Variants in KCNMA1 observed in about 807,000 individuals in gnomAD.
KCNMA1 encodes Calcium-activated potassium channel subunit alpha-1.
KCNMA1 carries 29 observed loss-of-function variants against 140.0 expected under a neutral mutation model. That is an observed-to-expected ratio of 0.21 (90% confidence interval 0.15 to 0.28). KCNMA1 has a LOEUF of 0.28. KCNMA1 is among the 10% of genes least tolerant of loss of function. The probability of loss-of-function intolerance (pLI) is 1.00; values close to 1 mark genes in which losing one functional copy is unlikely to be tolerated. For synonymous variants in KCNMA1, 612 were observed against 611.9 expected, an observed-to-expected ratio of 1.00 and a Z score of 0.00; for missense variants, 880 against 1,602.2, an observed-to-expected ratio of 0.55 and a Z score of 7.70.
chr10:77,420,778 A>G (rs2096850354), intron 1 of KCNMA1, among the ~76,000 whole-genome samples: 1 of 152,214 alleles, frequency 6.6e-6, no homozygotes, highest in Non-Finnish European at 1.5e-5. Context: ...GGCAGGAGGG[A>G]GGCCAAGCAT....
At chr10:77,114,433 T>C (rs1266701834) in intron 6 of KCNMA1, among the ~76,000 whole-genome samples, 1 of 152,234 alleles carries the variant, frequency 6.6e-6, no homozygotes, top group African/African-American at 2.4e-5. Flanking sequence ...TCCAAAGGCT[T>C]CTTGTTGACT....
chr10:77,411,548 C>T (rs1377971120), intron 1 of KCNMA1, among the ~76,000 whole-genome samples: 1 of 152,102 alleles, frequency 6.6e-6, no homozygotes, highest in African/African-American at 2.4e-5. Context: ...TGTCTGATGC[C>T]AAAAAGGGAC....
At chr10:77,550,311 T>C (rs2062461905) in intron 1 of KCNMA1, among the ~76,000 whole-genome samples, 3 of 152,152 alleles carry the variant, frequency 2.0e-5, no homozygotes, top group African/African-American at 7.2e-5. Context: ...GCTGCCTCTC[T>C]CCCAGCACCT....
intron 3 of KCNMA1, among the ~76,000 whole-genome samples, chr10:77,220,111 C>G (rs1234961485): frequency 6.6e-6 from 1 of 152,196 alleles, no homozygotes; most frequent in East Asian, 1.9e-4. Context: ...CTCAATTAAT[C>G]CTCATAACAC....
At chr10:76,936,732 A>G (rs2152768723) in intron 23 of KCNMA1, among the ~76,000 whole-genome samples, 1 of 152,172 alleles carries the variant, frequency 6.6e-6, no homozygotes, top group East Asian at 1.9e-4. Flanking sequence ...GAAGTGGGAG[A>G]AGGCAGAGCC....
chr10:77,282,959 C>T (rs971286908), intron 2 of KCNMA1, among the ~76,000 whole-genome samples: 1 of 152,214 alleles, frequency 6.6e-6, no homozygotes, highest in African/African-American at 2.4e-5. Flanking sequence ...TGAATATGTT[C>T]CTGCCTCTGG....
At chr10:77,540,180 C>T (rs1004169729) in intron 1 of KCNMA1, among the ~76,000 whole-genome samples, 3 of 152,216 alleles carry the variant, frequency 2.0e-5, no homozygotes, top group Non-Finnish European at 4.4e-5. Flanking sequence ...GTCACATCCA[C>T]ACTCAGTCCC....
At chr10:76,957,528 T>C (rs909118295) in intron 20 of KCNMA1, among the ~76,000 whole-genome samples, 5 of 152,224 alleles carry the variant, frequency 3.3e-5, no homozygotes, top group Admixed American at 1.3e-4. Context: ...TGAAATGAGT[T>C]GTTGCCCAAG....
intron 9 of KCNMA1, among the ~76,000 whole-genome samples, chr10:77,101,073 C>T (rs2097086149): frequency 6.6e-6 from 1 of 152,050 alleles, no homozygotes; most frequent in South Asian, 2.1e-4. Flanking sequence ...TAATATGCTT[C>T]CAAGTCTCTT....
At chr10:77,368,459 T>C (rs1433862709) in intron 2 of KCNMA1, among the ~76,000 whole-genome samples, 1 of 152,224 alleles carries the variant, frequency 6.6e-6, no homozygotes, top group Non-Finnish European at 1.5e-5. Context: ...GTAATATATG[T>C]GATTTTTAAG....
chr10:76,969,860 C>A (rs1043264035), intron 20 of KCNMA1, 114 bp downstream of exon 20: 11 of 791,536 alleles, frequency 1.4e-5, no homozygotes, highest in South Asian at 5.6e-5. Flanking sequence ...TCCCCTCCCC[C>A]ACCCCGGGCT....
At chr10:76,984,470 G>A (rs1352059416) in intron 19 of KCNMA1, among the ~76,000 whole-genome samples, 4 of 152,132 alleles carry the variant, frequency 2.6e-5, no homozygotes, top group African/African-American at 9.7e-5. Flanking sequence ...GGTTACAGAC[G>A]TGAGCCACTG....
At chr10:76,909,343 T>C (rs1314457486) in intron 25 of KCNMA1, among the ~76,000 whole-genome samples, 1 of 152,224 alleles carries the variant, frequency 6.6e-6, no homozygotes, top group East Asian at 1.9e-4. Context: ...CGCCATCTTG[T>C]ACCTCTGAAT....
intron 14 of KCNMA1, among the ~76,000 whole-genome samples, chr10:77,054,848 G>A (rs1401096398): frequency 1.3e-5 from 2 of 152,150 alleles, no homozygotes; most frequent in African/African-American, 2.4e-5. Flanking sequence ...TCAGCCAAAT[G>A]AGTTTGAAGT....
chr10:77,490,063 C>T (rs970560693), intron 1 of KCNMA1, among the ~76,000 whole-genome samples: 3 of 152,296 alleles, frequency 2.0e-5, no homozygotes, highest in South Asian at 2.1e-4. Flanking sequence ...TGTCCCTGGC[C>T]GCTACGCACC....
intron 2 of KCNMA1, among the ~76,000 whole-genome samples, chr10:77,366,522 T>C (rs1328261543): frequency 6.6e-6 from 1 of 152,212 alleles, no homozygotes; most frequent in African/African-American, 2.4e-5. Context: ...TTATTATTTT[T>C]GTTACACCAC....
At chr10:77,230,757 C>T (rs890447667) in intron 3 of KCNMA1, among the ~76,000 whole-genome samples, 1 of 152,156 alleles carries the variant, frequency 6.6e-6, no homozygotes, top group Non-Finnish European at 1.5e-5. Flanking sequence ...GCTCAAAGCT[C>T]ATATTCCTGG....
intron 2 of KCNMA1, among the ~76,000 whole-genome samples, chr10:77,355,520 T>C (rs1032365100): frequency 6.6e-5 from 10 of 152,188 alleles, no homozygotes; most frequent in African/African-American, 2.4e-4. Context: ...CTGTTGGGCA[T>C]GATGAAGGAA....
chr10:76,887,011 C>A lies in KCNMA1; in HGVS notation c.*255G>T. On this transcript the variant is annotated 3_prime_UTR_variant, in exon 28 of 28. Transcript: ENST00000286628. ...TGCAGTGAGCTATTTATGTCTGGAGCATGCCTTTGGGTTATTTTTCCCCCA... is the reference window on the plus strand; with the variant it reads ...TGCAGTGAGCTATTTATGTCTGGAGAATGCCTTTGGGTTATTTTTCCCCCA... 1 of 1,329,642 alleles carries A rather than the reference C, an allele frequency of 7.5e-7. No homozygotes were observed. Among genetic ancestry groups the A allele is most frequent in the Non-Finnish European group, 9.7e-7 (1 of 1,031,294 alleles). The allele number at this position is 1,329,642 out of a possible 1,614,324, so 82.4% of individuals were successfully genotyped here.
Sources: gnomAD v4.1 joint callset for allele counts (sites outside exome capture counted in the v4.1 genomes callset) on GRCh38, gnomAD v4.1.1 for gene constraint, MANE v1.5 for transcripts, NCBI Gene and HGNC (gene_info 2026-07-23, HGNC 2026-07-21) for gene names.